Variants in CTNNA3 observed in about 807,000 individuals in gnomAD.
CTNNA3 encodes catenin alpha-3.
In CTNNA3, 76 loss-of-function variants were observed where a neutral mutation model predicts 95.7. The observed-to-expected ratio is 0.79, with a 90% CI of 0.66 to 0.96. The LOEUF (loss-of-function observed/expected upper bound fraction) is 0.96, where lower values mean the gene tolerates loss of function less well. Ranked by LOEUF, CTNNA3 falls within the 40% of genes least tolerant of loss-of-function variation. The pLI is 0.00. For missense variants in CTNNA3, 1,191 were observed against 1,089.8 expected, an observed-to-expected ratio of 1.09 and a Z score of -1.31; for synonymous variants, 431 against 374.4, an observed-to-expected ratio of 1.15 and a Z score of -1.74.
chr10:66,880,119 G>T (rs746969245), intron 7 of CTNNA3, among the ~76,000 whole-genome samples: 1 of 152,054 alleles, frequency 6.6e-6, no homozygotes, highest in Non-Finnish European at 1.5e-5. Flanking sequence ...TGAACATGAA[G>T]TGATGAAGTC....
chr10:66,475,647 T>A (rs1261891787), intron 11 of CTNNA3, among the ~76,000 whole-genome samples: 7 of 151,880 alleles, frequency 4.6e-5, no homozygotes, highest in Non-Finnish European at 1.0e-4. Context: ...AAAATGCAAA[T>A]CTAAACTACA....
chr10:66,345,659 G>A (rs2092501688), intron 12 of CTNNA3, among the ~76,000 whole-genome samples: 1 of 152,114 alleles, frequency 6.6e-6, no homozygotes, highest in African/African-American at 2.4e-5. Context: ...ACTTGGGTAA[G>A]TATTATTTGG....
chr10:66,270,345 T>C (rs1275000313), intron 13 of CTNNA3, among the ~76,000 whole-genome samples: 2 of 151,836 alleles, frequency 1.3e-5, no homozygotes. Context: ...GATGGGAGTA[T>C]AGGCATGCAC....
At chr10:66,259,857 C>G (rs562648514) in intron 13 of CTNNA3, among the ~76,000 whole-genome samples, 4 of 152,190 alleles carry the variant, frequency 2.6e-5, no homozygotes, top group African/African-American at 9.6e-5. Flanking sequence ...ATGTTGACTC[C>G]AAGTCTCTAT....
intron 3 of CTNNA3, among the ~76,000 whole-genome samples, chr10:67,551,397 C>T (rs188905055): frequency 2.6e-5 from 4 of 152,192 alleles, no homozygotes; most frequent in African/African-American, 9.6e-5. Context: ...TTCTGTCTCC[C>T]CCACCTGCTG....
intron 17 of CTNNA3, among the ~76,000 whole-genome samples, chr10:65,963,745 C>T (rs2077901807): frequency 6.6e-6 from 1 of 152,152 alleles, no homozygotes; most frequent in South Asian, 2.1e-4. Flanking sequence ...GAATGAACTA[C>T]ATATATTTTG....
At position 66,062,358 on chromosome 10, in the gene CTNNA3, T is replaced by C. The variant is rs528097663; in HGVS notation, c.2159+6950A>G. ...TCTATATGGAGGACTTCAAGTGTACTACTACTACCACCAAATGGGGGACTA... is the reference window on the plus strand; with the variant it reads ...TCTATATGGAGGACTTCAAGTGTACCACTACTACCACCAAATGGGGGACTA... On this transcript the variant is annotated intron_variant, in intron 15 of 17. Transcript: ENST00000433211. Among the ~76,000 whole-genome samples, 11 of 152,262 alleles carry C rather than the reference T, an allele frequency of 7.2e-5. 1 individual carries two copies. Among genetic ancestry groups the C allele is most frequent in the Admixed American group, 6.6e-4 (10 of 15,254 alleles).
chr10:67,680,830 A>G (rs1161792150), intron 1 of CTNNA3, among the ~76,000 whole-genome samples: 1 of 152,242 alleles, frequency 6.6e-6, no homozygotes, highest in Admixed American at 6.5e-5. Context: ...AAATAAATCC[A>G]AAAGAGCAGT....
At chr10:67,474,448 A>C (rs898581699) in intron 5 of CTNNA3, among the ~76,000 whole-genome samples, 1 of 152,158 alleles carries the variant, frequency 6.6e-6, no homozygotes, top group East Asian at 1.9e-4. Flanking sequence ...GTGCAAGCTA[A>C]GGCTTTGGAA....
At chr10:66,465,118 TGC>T (rs1262870195) in intron 11 of CTNNA3, among the ~76,000 whole-genome samples, 2 of 152,166 alleles carry the variant, frequency 1.3e-5, no homozygotes, top group African/African-American at 4.8e-5. Context: ...ACAAATAAAT[TGC>T]CTGTTAGAAG....
chr10:65,977,524 T>G (rs2078229859), intron 16 of CTNNA3, among the ~76,000 whole-genome samples: 1 of 152,128 alleles, frequency 6.6e-6, no homozygotes, highest in African/African-American at 2.4e-5. Flanking sequence ...CTCACGCCTA[T>G]AATCCCAGCA....
chr10:67,676,882 A>C (rs748554550), intron 1 of CTNNA3, among the ~76,000 whole-genome samples: 51 of 152,312 alleles, frequency 3.3e-4, no homozygotes, highest in Middle Eastern at 6.8e-3. Context: ...ATGTGCCAGA[A>C]ACAAACACTT....
Position 66,480,611 on chromosome 10 carries a change from A to AT in CTNNA3, c.1531+40005dup, listed in dbSNP as rs756877325. The stretch of plus-strand genomic sequence containing the variant: ...TGTTGGCAAAATAATTTATTTATTT[A>AT]TTTTTTTTTTTGAGACAAAGTCTCG... On this transcript the variant is annotated intron_variant, in intron 11 of 17. Transcript: ENST00000433211. Among the ~76,000 whole-genome samples, 516 of 149,802 alleles carry AT rather than the reference A, an allele frequency of 3.4e-3. 2 individuals are homozygous for AT. Among genetic ancestry groups the AT allele is most frequent in the African/African-American group, 9.8e-3 (398 of 40,454 alleles).
At chr10:67,616,519 T>C (rs1377450786) in intron 2 of CTNNA3, among the ~76,000 whole-genome samples, 1 of 151,800 alleles carries the variant, frequency 6.6e-6, no homozygotes, top group African/African-American at 2.4e-5. Context: ...TGACAAAATT[T>C]TGGTATATTC....
intron 1 of CTNNA3, chr10:67,750,782 T>C (rs1841402786): frequency 4.4e-6 from 7 of 1,606,682 alleles, no homozygotes; most frequent in East Asian, 2.2e-5. Flanking sequence ...CACTTCCAGA[T>C]AGAGAGGCTC....
At chr10:65,948,703 T>C (rs1488397015) in intron 17 of CTNNA3, among the ~76,000 whole-genome samples, 1 of 152,214 alleles carries the variant, frequency 6.6e-6, no homozygotes, top group Non-Finnish European at 1.5e-5. Context: ...AACATTTCTG[T>C]CTTTTACAGA....
At position 67,712,802 on chromosome 10, in the gene CTNNA3, T is replaced by C. The variant is rs192959040; in HGVS notation, c.-2+50632A>G. On this transcript the variant is annotated intron_variant, in intron 1 of 17. Coordinates refer to the CTNNA3 transcript ENST00000684154. ...ACTAACTCAAGATGGATTAAAGACT[T>C]AAATGTAAAGCCTAAAACCATAAAA... Among the ~76,000 whole-genome samples, 443 of 152,288 alleles carry C rather than the reference T, an allele frequency of 2.9e-3. 1 individual carries two copies. The highest frequency in any genetic ancestry group is 0.01 in the African/African-American group (429 of 41,566).
intron 5 of CTNNA3, among the ~76,000 whole-genome samples, chr10:67,256,976 A>T (rs1482295969): frequency 6.6e-6 from 1 of 152,178 alleles, no homozygotes; most frequent in African/African-American, 2.4e-5. Context: ...TCCTTTAAAT[A>T]AAAAAATGCA....
intron 9 of CTNNA3, among the ~76,000 whole-genome samples, chr10:66,737,904 G>A (rs370413160): frequency 5.3e-5 from 8 of 152,148 alleles, no homozygotes; most frequent in African/African-American, 9.6e-5. Context: ...TGATCTGCCC[G>A]CCTTGGCCTC....
Sources: gnomAD v4.1 joint callset for allele counts (sites outside exome capture counted in the v4.1 genomes callset) on GRCh38, gnomAD v4.1.1 for gene constraint, MANE v1.5 for transcripts, NCBI Gene and HGNC (gene_info 2026-07-23, HGNC 2026-07-21) for gene names.